MAPK10: variants seen among roughly 807,000 people sequenced by gnomAD.
MAPK10 encodes mitogen-activated protein kinase 10.
MAPK10 carries 25 observed loss-of-function variants against 59.3 expected under a neutral mutation model. The observed-to-expected ratio is 0.42, with a 90% CI of 0.31 to 0.59. The LOEUF is 0.59. Among genes scored for constraint, MAPK10 ranks in the 20% least tolerant of loss-of-function variants. The pLI is 0.15. For missense variants in MAPK10, 351 were observed against 568.9 expected, an observed-to-expected ratio of 0.62 and a Z score of 3.90; for synonymous variants, 190 against 200.5, an observed-to-expected ratio of 0.95 and a Z score of 0.44.
Position 86,190,977 on chromosome 4 carries a change from T to A in MAPK10, c.66+3359A>T, listed in dbSNP as rs374926966. Among the ~76,000 whole-genome samples, 8 of 152,320 alleles carry A rather than the reference T, an allele frequency of 5.3e-5. No individual in the cohort carries two copies. The East Asian group carries it at 1.2e-3, about 22-fold the overall frequency. ...TCTCCTCAATTTCAAATAACTGATT[T>A]ATTTCTGCCTTAATTTTGTTATTTA... On this transcript the variant is annotated intron_variant, in intron 3 of 13. Coordinates refer to ENST00000641462, the MANE Select transcript of MAPK10 (RefSeq NM_138982.4).
upstream of MAPK10, among the ~76,000 whole-genome samples, chr4:86,362,303 C>T (rs1256322422): frequency 6.6e-6 from 1 of 151,840 alleles, no homozygotes; most frequent in Non-Finnish European, 1.5e-5. Context: ...TACACCTCAA[C>T]ATAAAAGCTA....
intron 11 of MAPK10, among the ~76,000 whole-genome samples, chr4:86,041,683 A>C (rs2041557382): frequency 6.6e-6 from 1 of 152,240 alleles, no homozygotes; most frequent in Admixed American, 6.5e-5. Flanking sequence ...ACTTCTCAAA[A>C]GAAGACATTT....
At chr4:86,163,829 T>C (rs1000280593) in intron 3 of MAPK10, among the ~76,000 whole-genome samples, 2 of 152,128 alleles carry the variant, frequency 1.3e-5, no homozygotes, top group Non-Finnish European at 2.9e-5. Flanking sequence ...GATGTGGAAG[T>C]TAAAAATAAT....
intron 1 of MAPK10, among the ~76,000 whole-genome samples, chr4:86,404,448 ACT>A (rs918412090): frequency 1.3e-5 from 2 of 151,964 alleles, no homozygotes; most frequent in Non-Finnish European, 2.9e-5. Flanking sequence ...TGATTCATTG[ACT>A]CTCTCTATGC....
At chr4:86,100,768 T>C (rs570062854) in intron 8 of MAPK10, 1 of 263,022 alleles carries the variant, frequency 3.8e-6, no homozygotes, top group South Asian at 8.0e-5. Flanking sequence ...TCTAGGCACG[T>C]GTGCTAATCA....
At position 86,010,900 on chromosome 4, in the gene MAPK10, AGAC is replaced by A. The variant is rs537447422; in HGVS notation, c.*6325_*6327del. ...ATCTGGACTGTTGGTTAAACATCGC[AGAC>A]AAGATCAGGTGAAGAACATTACTAG... On this transcript the variant is annotated 3_prime_UTR_variant, in exon 14 of 14. Coordinates refer to ENST00000641462, the MANE Select transcript of MAPK10 (RefSeq NM_138982.4). The A allele has an allele frequency of 2.2e-3, 338 of 152,324 alleles. 1 individual carries two copies. The highest frequency in any genetic ancestry group is 7.9e-3 in the African/African-American group (329 of 41,590). The allele number at this position is 152,324 out of a possible 1,614,324, so 9.4% of individuals were successfully genotyped here. A position where few individuals can be genotyped will look rare whatever the true frequency, so the allele number is the denominator to read the frequency against.
intron 9 of MAPK10, chr4:86,079,991 A>C (rs538230325): frequency 1.3e-5 from 2 of 152,166 alleles, no homozygotes; most frequent in Non-Finnish European, 1.5e-5. Flanking sequence ...AGTATTCTGC[A>C]CCTTTTAATG....
chr4:86,311,035 T>TACACACACACACAC (rs143712904), intron 2 of MAPK10, among the ~76,000 whole-genome samples: 16,508 of 141,364 alleles, frequency 0.12, 1,136 homozygotes, highest in South Asian at 0.15. Flanking sequence ...AGTTTTAAGT[T>TACACACACACACAC]ACACACACAC....
chr4:86,538,691 G>A (rs1286341386), intron 1 of MAPK10, among the ~76,000 whole-genome samples: 1 of 151,968 alleles, frequency 6.6e-6, no homozygotes, highest in East Asian at 1.9e-4. Context: ...CCATGAACAA[G>A]GTACTCCATA....
chr4:86,359,332 T>TTC (rs1329419997), intron 1 of MAPK10, among the ~76,000 whole-genome samples: 1 of 125,918 alleles, frequency 7.9e-6, no homozygotes, highest in Non-Finnish European at 1.7e-5. Context: ...GTGTGTGTGT[T>TTC]TCTCTCTCTC....
intron 1 of MAPK10, among the ~76,000 whole-genome samples, chr4:86,527,233 G>C (rs111922289): frequency 0.042 from 6,213 of 148,192 alleles, 292 homozygotes; most frequent in African/African-American, 0.12. Context: ...GATCACTTGA[G>C]CCTGGGAGGT....
At chr4:86,032,646 C>A (rs1451188859) in intron 11 of MAPK10, 2 of 152,114 alleles carry the variant, frequency 1.3e-5, no homozygotes, top group Non-Finnish European at 2.9e-5. Flanking sequence ...ATGAACAGCA[C>A]CCTCGGGCTA....
intron 2 of MAPK10, among the ~76,000 whole-genome samples, chr4:86,221,227 T>C (rs1255257070): frequency 6.6e-6 from 1 of 152,190 alleles, no homozygotes; most frequent in Non-Finnish European, 1.5e-5. Context: ...GTATAAATCC[T>C]GAGCAATCAC....
At chr4:86,265,018 G>C (rs532434280) in intron 2 of MAPK10, among the ~76,000 whole-genome samples, 1 of 150,360 alleles carries the variant, frequency 6.7e-6, no homozygotes, top group East Asian at 2.0e-4. Flanking sequence ...CAGCCTCCAA[G>C]TAGCTGGGAT....
At chr4:86,386,454 C>G (rs116314890) in intron 1 of MAPK10, among the ~76,000 whole-genome samples, 47 of 152,258 alleles carry the variant, frequency 3.1e-4, no homozygotes, top group Admixed American at 2.7e-3. Context: ...CTGCAGGGAC[C>G]ACATGGGTAG....
intron 1 of MAPK10, among the ~76,000 whole-genome samples, chr4:86,428,907 A>T (rs755370966): frequency 6.6e-6 from 1 of 152,202 alleles, no homozygotes; most frequent in Non-Finnish European, 1.5e-5. Context: ...ATCTTTCAAG[A>T]TGCAAATTTC....
At chr4:86,046,048 C>T (rs1030999119) in intron 11 of MAPK10, among the ~76,000 whole-genome samples, 2 of 150,676 alleles carry the variant, frequency 1.3e-5, no homozygotes, top group Non-Finnish European at 2.9e-5. Flanking sequence ...AGGAATCCAA[C>T]TTACAAGGGA....
chr4:86,465,600 C>T (rs532244983), intron 1 of MAPK10, among the ~76,000 whole-genome samples: 13 of 152,322 alleles, frequency 8.5e-5, no homozygotes, highest in African/African-American at 2.4e-4. Context: ...GGCAGAACAA[C>T]TCATTTGGTG....
Position 86,015,251 on chromosome 4 carries a change from C to T in MAPK10, c.*1977G>A, listed in dbSNP as rs1742901037. On this transcript the variant is annotated 3_prime_UTR_variant, in exon 14 of 14. Transcript: ENST00000641462. ...AAATAATCTCAGAATGGCAGCACCA[C>T]TGGCATGGCGATGGTGCAGGTGGGT... The T allele has an allele frequency of 6.6e-6, 1 of 152,214 alleles. No individual in the cohort carries two copies. The highest frequency in any genetic ancestry group is 1.5e-5 in the Non-Finnish European group (1 of 68,056). 9.4% of individuals were successfully genotyped at this position (152,214 alleles called of 1,614,324 possible). A position where few individuals can be genotyped will look rare whatever the true frequency, so the allele number is the denominator to read the frequency against.
Sources: allele counts gnomAD v4.1 joint callset (sites outside exome capture counted in the v4.1 genomes callset), GRCh38; gene constraint gnomAD v4.1.1; transcripts MANE v1.5; gene names NCBI Gene and HGNC (gene_info 2026-07-23, HGNC 2026-07-21).